The following NLGN1 variants were observed in gnomAD, a reference collection of about 807,000 sequenced individuals.
NLGN1 encodes neuroligin 1.
A neutral mutation model predicts 65.5 loss-of-function variants in NLGN1; 12 were observed. The observed-to-expected ratio is 0.18, with a 90% CI of 0.12 to 0.30. The LOEUF (loss-of-function observed/expected upper bound fraction) is 0.30. Ranked by LOEUF, NLGN1 falls within the 10% of genes least tolerant of loss-of-function variation. The pLI, the probability that NLGN1 is intolerant of heterozygous loss-of-function variation, is 1.00. For missense variants in NLGN1, 750 were observed against 1,007.1 expected, an observed-to-expected ratio of 0.74 and a Z score of 3.46; for synonymous variants, 350 against 359.5, an observed-to-expected ratio of 0.97 and a Z score of 0.30.
chr3:174,211,236 A>C (rs1472779725), intron 4 of NLGN1, among the ~76,000 whole-genome samples: 1 of 152,194 alleles, frequency 6.6e-6, no homozygotes, highest in Non-Finnish European at 1.5e-5. Flanking sequence ...CGGGTTGCCA[A>C]TGCTGGCTCT....
At chr3:174,200,682 AT>A (rs1414393846) in intron 4 of NLGN1, among the ~76,000 whole-genome samples, 3 of 152,244 alleles carry the variant, frequency 2.0e-5, no homozygotes, top group Admixed American at 1.3e-4. Context: ...CAAAGCAATA[AT>A]ATTAACAATC....
At chr3:173,628,868 A>G (rs1396663270) in intron 3 of NLGN1, among the ~76,000 whole-genome samples, 3 of 151,692 alleles carry the variant, frequency 2.0e-5, no homozygotes, top group Non-Finnish European at 4.4e-5. Flanking sequence ...TAATTTTTGT[A>G]TTTTTAGTAG....
exon 7 of NLGN1, chr3:174,282,406 C>G (rs1365973472): frequency 6.6e-6 from 1 of 152,192 alleles, no homozygotes; most frequent in Non-Finnish European, 1.5e-5. Flanking sequence ...TTGATTTACT[C>G]ATGCTGCATG....
At chr3:173,586,740 C>G (rs539919592) in intron 2 of NLGN1, among the ~76,000 whole-genome samples, 30 of 151,190 alleles carry the variant, frequency 2.0e-4, no homozygotes, top group African/African-American at 6.8e-4. Flanking sequence ...CTGCTATAAC[C>G]CAATTGTTAG....
intron 3 of NLGN1, among the ~76,000 whole-genome samples, chr3:173,715,721 T>C (rs1271584159): frequency 6.6e-6 from 1 of 152,158 alleles, no homozygotes; most frequent in African/African-American, 2.4e-5. Context: ...TTTTAAGCTA[T>C]TTTCCAGATA....
In NLGN1 at chr3:174,279,006, G is replaced by T. The variant is rs145214732; in HGVS notation, c.1005G>T (p.Gln335His). 1.9e-6 allele frequency: 3 copies of T among 1,599,636 alleles called. No individual in the cohort carries two copies. The highest frequency in any genetic ancestry group is 2.6e-6 in the Non-Finnish European group (3 of 1,173,490). The change falls in exon 6 of 7, where the codon CAG (glutamine) becomes CAT (histidine). Residue 335 changes from glutamine (Q) to histidine (H), a missense_variant. Gln to His is a conservative substitution (Grantham distance 24). Transcript: ENST00000457714. The surrounding 1 kb of genome is among the most constrained non-coding windows in gnomAD (Gnocchi z 4.7). Reference sequence around the variant, plus strand: ...CAGTAGAGTTAGTGGAATGCCTACAGAAGAAGCCTTACAAAGAACTTGTTG... The same window carrying T: ...CAGTAGAGTTAGTGGAATGCCTACATAAGAAGCCTTACAAAGAACTTGTTG...
chr3:173,763,048 G>A (rs1286998506), intron 3 of NLGN1, among the ~76,000 whole-genome samples: 1 of 151,114 alleles, frequency 6.6e-6, no homozygotes, highest in African/African-American at 2.4e-5. Flanking sequence ...CCTACAGACT[G>A]CACCCTTTTT....
Position 174,224,480 on chromosome 3 carries a change from C to T in NLGN1, c.647-50835C>T, listed in dbSNP as rs574010790. Among the ~76,000 whole-genome samples, 186 of 152,252 alleles carry T rather than the reference C, an allele frequency of 1.2e-3. 1 individual carries two copies. The highest frequency in any genetic ancestry group is 3.9e-3 in the African/African-American group (164 of 41,542). Reference sequence around the variant, plus strand: ...TTGGGAGGCCGAGGCGGGTAGATCACCTGAGGTGGGGAGTTTAAGACCAGC... The same window carrying T: ...TTGGGAGGCCGAGGCGGGTAGATCATCTGAGGTGGGGAGTTTAAGACCAGC... On this transcript the variant is annotated intron_variant, in intron 4 of 6. Transcript: ENST00000457714.
intron 4 of NLGN1, among the ~76,000 whole-genome samples, chr3:173,818,012 G>C (rs16830812): frequency 0.035 from 5,352 of 152,212 alleles, 193 homozygotes; most frequent in Admixed American, 0.12. Flanking sequence ...TCCAGGTATT[G>C]ATAGGACTAC....
At chr3:173,481,035 A>G (rs637461) in intron 2 of NLGN1, among the ~76,000 whole-genome samples, 15,343 of 152,046 alleles carry the variant, frequency 0.1, 844 homozygotes, top group Admixed American at 0.14. Context: ...AGATAGATAT[A>G]ATTGTTATTA....
intron 4 of NLGN1, among the ~76,000 whole-genome samples, chr3:174,265,960 A>ATATGTG (rs1194681225): frequency 6.8e-6 from 1 of 147,682 alleles, no homozygotes; most frequent in Non-Finnish European, 1.5e-5. Context: ...GTATGTGTAT[A>ATATGTG]TATGTGTATA....
intron 4 of NLGN1, among the ~76,000 whole-genome samples, chr3:174,020,896 G>T (rs910232430): frequency 2.0e-5 from 3 of 152,052 alleles, no homozygotes; most frequent in African/African-American, 7.2e-5. Flanking sequence ...GGTGCTAAAA[G>T]CATTTAGAAG....
At chr3:173,450,751 T>C (rs1205884421) in intron 2 of NLGN1, among the ~76,000 whole-genome samples, 2 of 152,194 alleles carry the variant, frequency 1.3e-5, no homozygotes, top group African/African-American at 4.8e-5. Context: ...CTTGGAGGCT[T>C]TGTTCATTTC....
chr3:174,274,257 ATATAT>A (rs1375027855), intron 4 of NLGN1, among the ~76,000 whole-genome samples: 1 of 151,742 alleles, frequency 6.6e-6, no homozygotes. Flanking sequence ...AAATGCAAAA[ATATAT>A]TAGAGAATAG....
intron 2 of NLGN1, among the ~76,000 whole-genome samples, chr3:173,581,967 A>C (rs1038517548): frequency 1.3e-5 from 2 of 151,968 alleles, no homozygotes; most frequent in Non-Finnish European, 2.9e-5. Context: ...CACCCTCCCC[A>C]CAGTAACCTC....
intron 4 of NLGN1, among the ~76,000 whole-genome samples, chr3:174,102,710 A>G (rs897698305): frequency 3.3e-5 from 5 of 152,162 alleles, no homozygotes; most frequent in African/African-American, 1.2e-4. Context: ...GATAGTGTTG[A>G]CAGCCCATGA....
chr3:174,269,724 C>T (rs1436056760), intron 4 of NLGN1, among the ~76,000 whole-genome samples: 1 of 151,870 alleles, frequency 6.6e-6, no homozygotes, highest in Non-Finnish European at 1.5e-5. Flanking sequence ...GATGCTGAAT[C>T]ATATACTAAT....
intron 4 of NLGN1, among the ~76,000 whole-genome samples, chr3:173,859,823 C>T (rs1728715918): frequency 1.3e-5 from 2 of 151,798 alleles, no homozygotes; most frequent in Non-Finnish European, 2.9e-5. Context: ...GGGTACACGA[C>T]TAAACATCAT....
chr3:174,105,044 G>T, intron 4 of NLGN1, among the ~76,000 whole-genome samples: 1 of 152,172 alleles, frequency 6.6e-6, no homozygotes, highest in Middle Eastern at 3.4e-3. Context: ...AGAATGAGTC[G>T]TCACAGAGTT....
Sources: gnomAD v4.1 joint callset for allele counts (sites outside exome capture counted in the v4.1 genomes callset) on GRCh38, gnomAD v4.1.1 for gene constraint, Gnocchi (gnomAD v3.1) non-coding constraint, MANE v1.5 for transcripts, NCBI Gene and HGNC (gene_info 2026-07-23, HGNC 2026-07-21) for gene names.